RNF175: variants seen among roughly 807,000 people sequenced by gnomAD.
RNF175 encodes the protein ring finger protein 175.
Under a neutral mutation model 50.0 loss-of-function variants are expected in RNF175, and 38 were observed. The ratio of observed to expected loss-of-function variants is 0.76; its 90% CI spans 0.59 to 1.00. RNF175 has a LOEUF of 1.00. Among genes scored for constraint, RNF175 ranks in the 50% least tolerant of loss-of-function variants. RNF175 has a pLI of 0.00. For synonymous variants in RNF175, 155 were observed against 146.1 expected, an observed-to-expected ratio of 1.06 and a Z score of -0.44; for missense variants, 388 against 409.6, an observed-to-expected ratio of 0.95 and a Z score of 0.46.
At position 153,717,534 on chromosome 4, in the gene RNF175, A is replaced by AACACACAC. The variant is rs61710163; in HGVS notation, c.631-1880_631-1873dup. Among the ~76,000 whole-genome samples the AACACACAC allele has an allele frequency of 8.9e-3, 1,329 of 149,784 alleles. 8 individuals are homozygous for AACACACAC. The highest frequency in any genetic ancestry group is 0.015 in the African/African-American group (624 of 41,098). On this transcript the variant is annotated intron_variant, in intron 6 of 8. Coordinates refer to ENST00000347063, the MANE Select transcript of RNF175 (RefSeq NM_173662.4). Reference sequence around the variant, plus strand: ...ACACACACACACAGATACACACACAAACACACACACACACACACACATACA... The same window carrying AACACACAC: ...ACACACACACACAGATACACACACAAACACACACACACACACACACACACACACATACA...
At chr4:153,718,226 G>GTTTTTTTTTTTTTTTTTTTTTTT (rs1325216298) in intron 6 of RNF175, among the ~76,000 whole-genome samples, 3 of 30,542 alleles carry the variant, frequency 9.8e-5, no homozygotes, top group African/African-American at 2.5e-4. Flanking sequence ...TTGTTTGTTT[G>GTTTTTTTTTTTTTTTTTTTTTTT]TTTGTTTGTT....
intron 6 of RNF175, among the ~76,000 whole-genome samples, chr4:153,718,222 G>GTGTTTTTTTTTTT (rs1688936681): frequency 2.7e-5 from 1 of 37,540 alleles, no homozygotes; most frequent in Non-Finnish European, 7.1e-5. Flanking sequence ...TTTTTTGTTT[G>GTGTTTTTTTTTTT]TTTGTTTGTT....
chr4:153,731,986 C>T (rs2127129990), intron 3 of RNF175, among the ~76,000 whole-genome samples: 1 of 152,266 alleles, frequency 6.6e-6, no homozygotes, highest in East Asian at 1.9e-4. Flanking sequence ...AATCTGAGGA[C>T]TTTGGGAGGC....
At chr4:153,733,544 C>CT (rs985848771) in intron 3 of RNF175, among the ~76,000 whole-genome samples, 2 of 152,146 alleles carry the variant, frequency 1.3e-5, no homozygotes, top group African/African-American at 4.8e-5. Flanking sequence ...GAATACAGTA[C>CT]TTTTTTGCAG....
intron 3 of RNF175, among the ~76,000 whole-genome samples, chr4:153,747,684 T>G (rs1419086821): frequency 6.6e-6 from 1 of 152,202 alleles, no homozygotes; most frequent in East Asian, 1.9e-4. Context: ...CCTTTAATAC[T>G]CCATTACAGC....
intron 2 of RNF175, among the ~76,000 whole-genome samples, chr4:153,750,021 A>AT (rs1358085842): frequency 6.6e-6 from 1 of 152,192 alleles, no homozygotes; most frequent in Non-Finnish European, 1.5e-5. Context: ...ATCCCATGTG[A>AT]TTTTAAGGGG....
At chr4:153,715,379 G>C in intron 7 of RNF175, 150 bp downstream of exon 7, 2 of 750,818 alleles carry the variant, frequency 2.7e-6, no homozygotes, top group Non-Finnish European at 4.7e-6. Flanking sequence ...GGGACAAACA[G>C]GAAGACTCGA....
intron 3 of RNF175, among the ~76,000 whole-genome samples, chr4:153,745,248 T>A (rs1739906045): frequency 6.6e-6 from 1 of 152,198 alleles, no homozygotes; most frequent in African/African-American, 2.4e-5. Context: ...AGGGAACTTG[T>A]TAGACATGCA....
intron 6 of RNF175, among the ~76,000 whole-genome samples, chr4:153,716,041 G>T (rs1737899057): frequency 6.9e-6 from 1 of 144,728 alleles, no homozygotes; most frequent in Non-Finnish European, 1.5e-5. Context: ...TCTAGCCTGG[G>T]TGACAGAGCA....
At chr4:153,731,797 T>A (rs1159287115) in intron 3 of RNF175, among the ~76,000 whole-genome samples, 1 of 152,074 alleles carries the variant, frequency 6.6e-6, no homozygotes, top group Non-Finnish European at 1.5e-5. Flanking sequence ...ATCATTTGTG[T>A]GTGGAGGGTG....
At chr4:153,734,157 G>A (rs911554015) in intron 3 of RNF175, among the ~76,000 whole-genome samples, 1 of 152,206 alleles carries the variant, frequency 6.6e-6, no homozygotes, top group Non-Finnish European at 1.5e-5. Context: ...TAAAGGTGCT[G>A]TAAATATTTG....
intron 3 of RNF175, among the ~76,000 whole-genome samples, chr4:153,742,705 C>T (rs1333921109): frequency 6.6e-6 from 1 of 151,934 alleles, no homozygotes; most frequent in Non-Finnish European, 1.5e-5. Flanking sequence ...CTATATTTCA[C>T]AAAGGGGATA....
At chr4:153,748,888 CT>C in intron 2 of RNF175, 102 bp from the exon 3 acceptor site, 1 of 1,187,296 alleles carries the variant, frequency 8.4e-7, no homozygotes, top group Non-Finnish European at 1.2e-6. Flanking sequence ...ACAGGTTTGG[CT>C]TACAAAAAGC....
At chr4:153,737,848 T>C (rs934741162) in intron 3 of RNF175, among the ~76,000 whole-genome samples, 1 of 152,216 alleles carries the variant, frequency 6.6e-6, no homozygotes, top group Non-Finnish European at 1.5e-5. Flanking sequence ...GTCAATTATG[T>C]CCTTACTAAT....
Position 153,748,711 on chromosome 4 carries a change from G to A in RNF175, c.180C>T (p.Leu60=). ...CTATCTGGGCAATGACCAGAACGCA[G>A]AGGAAGATCAAGATCATTTCCACGT... ...SMHVEMILIF[L]CVLVIAQIVL... The change falls in exon 3 of 9, where the codon CTC becomes CTT. Residue 60 remains leucine (L), a synonymous_variant. Transcript: ENST00000347063. 6.2e-7 allele frequency: 1 copy of A among 1,609,688 alleles called. No individual in the cohort carries two copies.
At chr4:153,745,776 G>C (rs1488566249) in intron 3 of RNF175, 2 of 152,166 alleles carry the variant, frequency 1.3e-5, no homozygotes. Context: ...AAATGAGAGA[G>C]AGAAACTCAT....
intron 1 of RNF175, among the ~76,000 whole-genome samples, chr4:153,752,555 A>C (rs1354332747): frequency 6.6e-6 from 1 of 152,246 alleles, no homozygotes; most frequent in Non-Finnish European, 1.5e-5. Flanking sequence ...TCTCTCTTAA[A>C]TGTGAGAAAG....
At chr4:153,734,533 A>G (rs1739230321) in intron 3 of RNF175, among the ~76,000 whole-genome samples, 1 of 152,070 alleles carries the variant, frequency 6.6e-6, no homozygotes, top group Admixed American at 6.6e-5. Context: ...TACATAAGTT[A>G]ATCCAGATCT....
intron 3 of RNF175, among the ~76,000 whole-genome samples, chr4:153,729,139 T>C (rs1480688811): frequency 6.6e-6 from 1 of 152,246 alleles, no homozygotes; most frequent in African/African-American, 2.4e-5. Context: ...GTCACCCCTC[T>C]TGGGAAAAGC....
Sources: allele counts gnomAD v4.1 joint callset (sites outside exome capture counted in the v4.1 genomes callset), GRCh38; gene constraint gnomAD v4.1.1; transcripts MANE v1.5; gene names NCBI Gene and HGNC (gene_info 2026-07-23, HGNC 2026-07-21).